MEIS3: variants seen among roughly 807,000 people sequenced by gnomAD.
MEIS3 encodes homeobox protein Meis3.
In MEIS3, 38 loss-of-function variants were observed where a neutral mutation model predicts 51.4. The observed-to-expected ratio is 0.74, with a 90% CI of 0.57 to 0.97. The LOEUF is 0.97. Among genes scored for constraint, MEIS3 ranks in the 50% least tolerant of loss-of-function variants. The pLI is 0.00. For synonymous variants in MEIS3, 198 were observed against 201.8 expected, an observed-to-expected ratio of 0.98 and a Z score of 0.16; for missense variants, 456 against 502.6, an observed-to-expected ratio of 0.91 and a Z score of 0.89.
At chr19:47,416,614 A>G (rs1971422528) in intron 4 of MEIS3, 38 bp downstream of exon 4, 1 of 1,467,430 alleles carries the variant, frequency 6.8e-7, no homozygotes, top group Non-Finnish European at 9.1e-7. Context: ...AAGGAGACCC[A>G]TTGGAGGAGG....
chr19:47,416,388 G>A (rs1971409534), intron 4 of MEIS3: 3 of 445,740 alleles, frequency 6.7e-6, no homozygotes, highest in Non-Finnish European at 1.2e-5. Context: ...CTTCACAGAC[G>A]GGACACCAAG....
chr19:47,407,222 A>G (rs373202673), intron 9 of MEIS3, 85 bp from the exon 10 acceptor site: 4 of 1,506,764 alleles, frequency 2.7e-6, no homozygotes, highest in African/African-American at 1.4e-5. Flanking sequence ...GCCGGAGGAC[A>G]GCGGCGGGGG....
chr19:47,409,169 T>C lies in MEIS3; in HGVS notation c.788A>G (p.Asn263Ser). Residue 263 changes from asparagine to serine, a missense_variant, in exon 8 of 13, where the codon AAC (asparagine) becomes AGC (serine). Coordinates refer to ENST00000558555, the MANE Select transcript of MEIS3 (RefSeq NM_001301059.2). ...CTTGGGGAAGATCCCCCTCTTCTTG[T>C]TTCGCCGTCGCTCCTGGTCCAAGTC... ...DEDLDQERRRNKKRGIFPKVA... is the reference protein window; with the variant it reads ...DEDLDQERRRSKKRGIFPKVA... 12 of 1,612,526 alleles carry C rather than the reference T, an allele frequency of 7.4e-6. No individual in the cohort carries two copies. Among genetic ancestry groups the C allele is most frequent in the Non-Finnish European group, 1.0e-5 (12 of 1,180,008 alleles).
At chr19:47,404,101 G>A (rs886867689) in intron 12 of MEIS3, among the ~76,000 whole-genome samples, 8 of 152,208 alleles carry the variant, frequency 5.3e-5, no homozygotes, top group East Asian at 3.9e-4. Context: ...CCACTTGGGA[G>A]GCTGAGGCCA....
chr19:47,414,647 T>C, intron 6 of MEIS3, 70 bp downstream of exon 6: 2 of 1,513,800 alleles, frequency 1.3e-6, no homozygotes, highest in East Asian at 4.9e-5. Context: ...GTAGTGCACA[T>C]GCGCCCTCAT....
At chr19:47,406,605 C>T in intron 11 of MEIS3, 79 bp from the exon 12 acceptor site, 2 of 1,364,402 alleles carry the variant, frequency 1.5e-6, no homozygotes, top group Non-Finnish European at 2.1e-6. Context: ...CTCACCCCTT[C>T]CTACACCAGG....
chr19:47,414,967 A>G, intron 5 of MEIS3, 84 bp downstream of exon 5: 2 of 630,978 alleles, frequency 3.2e-6, no homozygotes, highest in Non-Finnish European at 2.2e-6. Flanking sequence ...GTGGGGAGAG[A>G]GCTGGAAGGT....
At chr19:47,408,972 T>G in intron 8 of MEIS3, 127 bp downstream of exon 8, 2 of 1,086,472 alleles carry the variant, frequency 1.8e-6, no homozygotes, top group Non-Finnish European at 2.7e-6. Context: ...TCCACCTCCA[T>G]GAGAGTCTCG....
At chr19:47,408,592 C>G (rs1970962886) in intron 8 of MEIS3, among the ~76,000 whole-genome samples, 1 of 152,104 alleles carries the variant, frequency 6.6e-6, no homozygotes, top group Admixed American at 6.6e-5. Context: ...CTCCATCTTG[C>G]TCTGACTTGG....
At chr19:47,421,183 A>C (rs1036379366), upstream of MEIS3, among the ~76,000 whole-genome samples, 4 of 152,026 alleles carry the variant, frequency 2.6e-5, no homozygotes, top group African/African-American at 9.7e-5. Flanking sequence ...GGGTGGCATC[A>C]GAGTGACCCC....
intron 12 of MEIS3, 39 bp from the exon 13 acceptor site, chr19:47,403,592 A>AG (rs1211104010): frequency 6.7e-5 from 27 of 400,804 alleles, no homozygotes; most frequent in South Asian, 4.8e-4. Context: ...AGGAGCGGGC[A>AG]GGGGGCCTGG....
chr19:47,406,777 G>C, intron 11 of MEIS3, 111 bp downstream of exon 11: 1 of 1,055,926 alleles, frequency 9.5e-7, no homozygotes, highest in South Asian at 1.6e-5. Context: ...CTTCTCACTA[G>C]GCAAGTGACA....
At chr19:47,407,584 G>T in intron 8 of MEIS3, 156 bp from the exon 9 acceptor site, 1 of 1,472,752 alleles carries the variant, frequency 6.8e-7, no homozygotes, top group African/African-American at 1.4e-5. Flanking sequence ...CCCCAGGATG[G>T]AGACCAAGGG....
intron 1 of MEIS3, 200 bp downstream of exon 1, chr19:47,418,870 G>C (rs1971591326): frequency 2.5e-6 from 1 of 396,898 alleles, no homozygotes; most frequent in Admixed American, 4.4e-5. Flanking sequence ...AGGCGAGGCC[G>C]AGGGCCAGGA....
Position 47,419,216 on chromosome 19 carries a change from C to A in MEIS3, c.-135G>T. The A allele has an allele frequency of 1.9e-6, 1 of 527,150 alleles. No individual in the cohort carries two copies. Among genetic ancestry groups the A allele is most frequent in the Non-Finnish European group, 2.8e-6 (1 of 354,820 alleles). The allele number at this position is 527,150 out of a possible 1,614,324, so 32.7% of individuals were successfully genotyped here. On this transcript the variant is annotated 5_prime_UTR_variant, in exon 1 of 13. Coordinates refer to ENST00000558555, the MANE Select transcript of MEIS3 (RefSeq NM_001301059.2). Reference sequence around the variant, plus strand: ...GGCAGGAGGCCAGGCGCGCGCCCCCCCACCCCCGCCGCCGTCAGCGGCAGG... The same window carrying A: ...GGCAGGAGGCCAGGCGCGCGCCCCCACACCCCCGCCGCCGTCAGCGGCAGG...
intron 1 of MEIS3, chr19:47,417,827 T>G: frequency 1.6e-6 from 1 of 611,436 alleles, no homozygotes; most frequent in Non-Finnish European, 2.9e-6. Flanking sequence ...CATGTCACAC[T>G]CCACTCGCCA....
At chr19:47,416,723 C>A in intron 3 of MEIS3, 21 bp from the exon 4 acceptor site, 1 of 1,603,360 alleles carries the variant, frequency 6.2e-7, no homozygotes, top group Non-Finnish European at 8.5e-7. Flanking sequence ...AGAGAGAGGC[C>A]GGCAGGGGGA....
intron 12 of MEIS3, among the ~76,000 whole-genome samples, chr19:47,403,972 C>T (rs1312281431): frequency 6.6e-6 from 1 of 152,062 alleles, no homozygotes; most frequent in Non-Finnish European, 1.5e-5. Flanking sequence ...GAGGCAGAGG[C>T]AGGGGGATCG....
chr19:47,407,434 G>A lies in MEIS3; in HGVS notation c.859-6C>T, dbSNP rs766140636. 13 of 1,613,742 alleles carry A rather than the reference G, an allele frequency of 8.1e-6. No individual in the cohort carries two copies. In the Admixed American group the frequency reaches 1.3e-4, roughly 17 times the overall value. On this transcript the variant is annotated splice_region_variant and splice_polypyrimidine_tract_variant and intron_variant, in intron 8 of 12. Coordinates refer to ENST00000558555, the MANE Select transcript of MEIS3 (RefSeq NM_001301059.2). ...TCCTCCGAGGGGTACGGGTGCTGCAGCCACCAGCAAGAGTCACTCTGCCTG... is the reference window on the plus strand; with the variant it reads ...TCCTCCGAGGGGTACGGGTGCTGCAACCACCAGCAAGAGTCACTCTGCCTG...
Sources: allele counts gnomAD v4.1 joint callset (sites outside exome capture counted in the v4.1 genomes callset), GRCh38; gene constraint gnomAD v4.1.1; transcripts MANE v1.5; gene names NCBI Gene and HGNC (gene_info 2026-07-23, HGNC 2026-07-21).